The following MYH15 variants were observed in gnomAD, a reference collection of about 807,000 sequenced individuals.
MYH15 encodes the protein myosin-15.
A neutral mutation model predicts 240.5 loss-of-function variants in MYH15; 227 were observed. The ratio of observed to expected loss-of-function variants is 0.94; its 90% confidence interval spans 0.85 to 1.05. The LOEUF is 1.05. Among genes scored for constraint, MYH15 ranks in the 50% least tolerant of loss-of-function variants. The probability of loss-of-function intolerance (pLI) is 0.00; values close to 1 mark genes in which losing one functional copy is unlikely to be tolerated. For missense variants in MYH15, 2,217 were observed against 2,247.5 expected (o/e 0.99, Z 0.27); for synonymous variants, 785 against 796.7 (o/e 0.99, Z 0.25).
Position 108,455,212 on chromosome 3 carries a change from T to A in MYH15, c.2262+524A>T, listed in dbSNP as rs114256578. 4.0e-3 allele frequency among the ~76,000 whole-genome samples: 602 copies of A among 152,352 alleles called. 4 individuals carry two copies. Among genetic ancestry groups the A allele is most frequent in the Non-Finnish European group, 6.4e-3 (434 of 68,040 alleles). On this transcript the variant is annotated intron_variant, in intron 20 of 40. Transcript: ENST00000693548. ...GATAAGTTAGAAGTTTCCCAAAATA[T>A]GTGAGTCATGCCAATATCATCTAAG...
chr3:108,447,493 G>A (rs9878307), intron 21 of MYH15, among the ~76,000 whole-genome samples: 11,263 of 151,848 alleles, frequency 0.074, 561 homozygotes, highest in Non-Finnish European at 0.11. Flanking sequence ...CACATATAAT[G>A]AAACCCTCAT....
Position 108,499,502 on chromosome 3 carries a change from G to C in MYH15, c.497-20C>G, listed in dbSNP as rs1560431779. The stretch of plus-strand genomic sequence containing the variant: ...CTCGATCTACAAAAGAAAGAAAAAT[G>C]CCAGAATATTCTTATATTCGATATT... On this transcript the variant is annotated intron_variant, in intron 4 of 40. Coordinates refer to ENST00000693548, the MANE Select transcript of MYH15 (RefSeq NM_014981.3). The C allele has an allele frequency of 1.2e-6, 2 of 1,608,896 alleles. No homozygotes were observed. The highest frequency in any genetic ancestry group is 1.7e-5 in the Admixed American group (1 of 59,824).
At position 108,441,132 on chromosome 3, in the gene MYH15, C is replaced by T. The variant is rs1421452818; in HGVS notation, c.2784G>A (p.Leu928=). The change falls in exon 23 of 41, where the codon CTG becomes CTA. Residue 928 remains leucine (L), a synonymous_variant. Coordinates refer to ENST00000693548, the MANE Select transcript of MYH15 (RefSeq NM_014981.3). ...CTTCGAGTTTCCGCCCCCTGGCAGT[C>T]AGCTCAGAATTTATCTCCTCTTCTT... ...VEEEEEINSE[L]TARGRKLEDE... The T allele has an allele frequency of 6.2e-7, 1 of 1,614,170 alleles. No individual in the cohort carries two copies. The highest frequency in any genetic ancestry group is 1.3e-5 in the African/African-American group (1 of 75,036).
intron 1 of MYH15, among the ~76,000 whole-genome samples, chr3:108,528,750 A>T (rs1245837515): frequency 6.6e-6 from 1 of 152,242 alleles, no homozygotes; most frequent in East Asian, 1.9e-4. Flanking sequence ...AATACTCAGC[A>T]GAACCAGTAC....
intron 33 of MYH15, among the ~76,000 whole-genome samples, chr3:108,404,511 A>G (rs895815564): frequency 3.3e-5 from 5 of 152,192 alleles, no homozygotes; most frequent in Non-Finnish European, 7.3e-5. Context: ...TGCTTTGCCA[A>G]CATCAGCCTA....
chr3:108,406,176 A>C (rs2082545140), intron 32 of MYH15, among the ~76,000 whole-genome samples: 1 of 150,576 alleles, frequency 6.6e-6, no homozygotes, highest in South Asian at 2.1e-4. Flanking sequence ...CCTGAAGCTA[A>C]AAATGTATAT....
chr3:108,442,233 G>A (rs1379601777), intron 22 of MYH15, among the ~76,000 whole-genome samples: 4 of 152,044 alleles, frequency 2.6e-5, no homozygotes, highest in Non-Finnish European at 5.9e-5. Context: ...ATCAAGAGTG[G>A]GGGGCTGGGG....
Position 108,417,806 on chromosome 3 carries a change from C to T in MYH15, c.3830-876G>A, listed in dbSNP as rs984599805. Among the ~76,000 whole-genome samples, 657 of 151,080 alleles carry T rather than the reference C, an allele frequency of 4.3e-3. 6 individuals are homozygous for T. Among genetic ancestry groups the T allele is most frequent in the African/African-American group, 0.013 (533 of 41,228 alleles). On this transcript the variant is annotated intron_variant, in intron 28 of 40. Coordinates refer to ENST00000693548, the MANE Select transcript of MYH15 (RefSeq NM_014981.3). ...GTATGTATATATATATACACACACA[C>T]ACACACACACACACACACACATATA... is the stretch of plus-strand genomic sequence containing the variant.
chr3:108,502,923 T>C (rs993939343), intron 2 of MYH15, among the ~76,000 whole-genome samples: 2 of 152,144 alleles, frequency 1.3e-5, no homozygotes, highest in African/African-American at 2.4e-5. Context: ...CTCATACATC[T>C]TCAAAAACCT....
At chr3:108,534,429 C>T in the MYH15 span, among the ~76,000 whole-genome samples, 3 of 151,948 alleles carry the variant, frequency 2.0e-5, no homozygotes, top group East Asian at 1.9e-4. Context: ...TTTCATAAGT[C>T]GAAAAAGTGA....
chr3:108,455,074 T>C lies in MYH15; in HGVS notation c.2262+662A>G, dbSNP rs112351782. Among the ~76,000 whole-genome samples, 36 of 152,318 alleles carry C rather than the reference T, an allele frequency of 2.4e-4. 1 individual carries two copies. The highest frequency in any genetic ancestry group is 8.4e-4 in the African/African-American group (35 of 41,586). ...ATAACCATATCCTACAGAGTTCTAA[T>C]TCTATGAGGTCTTTATCCTGAATTT... On this transcript the variant is annotated intron_variant, in intron 20 of 40. Transcript: ENST00000693548.
In MYH15 at chr3:108,437,580, C is replaced by T; in HGVS notation, c.3195G>A (p.Gln1065=). The T allele has an allele frequency of 1.9e-6, 3 of 1,613,818 alleles. No individual in the cohort carries two copies. Among genetic ancestry groups the T allele is most frequent in the Non-Finnish European group, 1.7e-6 (2 of 1,179,890 alleles). ...TCCTCAGCTCTTCTGCCAGGTGTCG[C>T]TGGCTGCTTTCCAGGTTCTCCATAC... ...RESMENLESS[Q]RHLAEELRKK... is the part of the protein sequence containing the mutation. The change falls in exon 25 of 41, where the codon CAG becomes CAA. Residue 1065 remains glutamine, a synonymous_variant. Coordinates refer to ENST00000693548, the MANE Select transcript of MYH15 (RefSeq NM_014981.3).
At chr3:108,513,181 A>G (rs1172432763), upstream of MYH15, among the ~76,000 whole-genome samples, 1 of 152,208 alleles carries the variant, frequency 6.6e-6, no homozygotes, top group East Asian at 1.9e-4. Context: ...AGGAAGCTAT[A>G]TTTTGTGAAT....
At chr3:108,392,576 A>G (rs1049086768) in intron 36 of MYH15, among the ~76,000 whole-genome samples, 1 of 152,230 alleles carries the variant, frequency 6.6e-6, no homozygotes, top group Non-Finnish European at 1.5e-5. Flanking sequence ...TCACAGCCCA[A>G]GCTTTTCTGT....
Position 108,398,722 on chromosome 3 carries a change from A to C in MYH15, c.5048T>G (p.Leu1683Arg). 6.2e-7 allele frequency: 1 copy of C among 1,614,150 alleles called. No individual in the cohort carries two copies. Among genetic ancestry groups the C allele is most frequent in the Non-Finnish European group, 8.5e-7 (1 of 1,180,042 alleles). ...GCGGCCACGCTCTGTCTGCTCTTGCAGGGACCTTAGATCCTCTAGTTCAGA... is the reference window on the plus strand; with the variant it reads ...GCGGCCACGCTCTGTCTGCTCTTGCCGGGACCTTAGATCCTCTAGTTCAGA... ...LQSELEDLRS[L>R]QEQTERGRRL... Residue 1683 changes from leucine (L) to arginine (R), a missense_variant, in exon 35 of 41, where the codon CTG becomes CGG. By Grantham distance (102) the Leu-to-Arg change is moderately radical. Transcript: ENST00000693548.
At chr3:108,529,413 C>T (rs2083697397), upstream of MYH15, 20 of 629,882 alleles carry the variant, frequency 3.2e-5, no homozygotes, top group South Asian at 4.4e-4. Context: ...GAGGTGGAAA[C>T]ATACAAGATA....
At chr3:108,485,861 T>C (rs909166725) in intron 10 of MYH15, among the ~76,000 whole-genome samples, 1 of 152,144 alleles carries the variant, frequency 6.6e-6, no homozygotes, top group African/African-American at 2.4e-5. Flanking sequence ...GAATCTGATA[T>C]ACAGAAAAAG....
chr3:108,479,007 A>G (rs896056827), intron 11 of MYH15, among the ~76,000 whole-genome samples: 2 of 152,214 alleles, frequency 1.3e-5, no homozygotes, highest in African/African-American at 2.4e-5. Flanking sequence ...TATACATCAC[A>G]TATGTTCTCT....
intron 21 of MYH15, among the ~76,000 whole-genome samples, chr3:108,445,353 C>A (rs147450041): frequency 6.6e-6 from 1 of 151,868 alleles, no homozygotes; most frequent in Non-Finnish European, 1.5e-5. Context: ...AAAAATCCAC[C>A]TACCAGCAAA....
Sources: allele counts gnomAD v4.1 joint callset (sites outside exome capture counted in the v4.1 genomes callset), GRCh38; gene constraint gnomAD v4.1.1; transcripts MANE v1.5; gene names NCBI Gene and HGNC (gene_info 2026-07-23, HGNC 2026-07-21).